TRIM71: variants seen among roughly 807,000 people sequenced by gnomAD.
TRIM71 encodes tripartite motif containing 71.
TRIM71 carries 9 observed loss-of-function variants against 61.2 expected under a neutral mutation model. That is an observed-to-expected ratio of 0.15 (90% CI 0.09 to 0.26). The LOEUF (loss-of-function observed/expected upper bound fraction) is 0.26, where lower values mean the gene tolerates loss of function less well. Among genes scored for constraint, TRIM71 ranks in the 10% least tolerant of loss-of-function variants. The pLI is 1.00. For missense variants in TRIM71, 998 were observed against 1,238.7 expected, an observed-to-expected ratio of 0.81 and a Z score of 2.92; for synonymous variants, 645 against 553.2, an observed-to-expected ratio of 1.17 and a Z score of -2.33.
At chr3:32,819,293 C>T in intron 1 of TRIM71, among the ~76,000 whole-genome samples, 1 of 152,050 alleles carries the variant, frequency 6.6e-6, no homozygotes, top group East Asian at 1.9e-4. Flanking sequence ...TGTGGGCACA[C>T]CAGAGGCCTC....
chr3:32,885,596 G>C (rs919020012), intron 2 of TRIM71, among the ~76,000 whole-genome samples: 32 of 152,332 alleles, frequency 2.1e-4, no homozygotes, highest in African/African-American at 7.5e-4. Flanking sequence ...GGCTGGAGTT[G>C]TACATTTTAC....
In TRIM71 at chr3:32,818,651, C is replaced by T. The variant is rs112026284; in HGVS notation, c.571C>T (p.Leu191=). 9.6e-5 allele frequency: 143 copies of T among 1,492,266 alleles called. No individual in the cohort carries two copies. The African/African-American group carries it at 1.8e-3, about 19-fold the overall frequency. 92.4% of individuals were successfully genotyped at this position (1,492,266 alleles called of 1,614,324 possible). ...CGGCCCTGCCGCTTCCCCGTCGGCG[C>T]TGCTGCTCCGCCGTCCTCACGGCTG... The part of the protein sequence containing the change: ...PGGPAASPSA[L]LLRRPHGCSS... The change falls in exon 1 of 4, where the codon CTG becomes TTG. Residue 191 remains leucine, a synonymous_variant. Coordinates refer to ENST00000383763, the MANE Select transcript of TRIM71 (RefSeq NM_001039111.3).
chr3:32,858,871 A>G (rs988124291), intron 1 of TRIM71, among the ~76,000 whole-genome samples: 6 of 152,186 alleles, frequency 3.9e-5, no homozygotes, highest in African/African-American at 7.2e-5. Flanking sequence ...AACTTCGATT[A>G]TGTAACTGAA....
Position 32,891,259 on chromosome 3 carries a change from G to C in TRIM71, c.2055G>C (p.Gln685His). Residue 685 changes from glutamine to histidine, a missense_variant, in exon 4 of 4, where the codon CAG (glutamine) becomes CAC (histidine). Around this residue, in one of 5 missense-constraint regions of TRIM71, gnomAD observed 83 missense variants for 202.7 expected, o/e 0.41. Transcript: ENST00000383763. The surrounding 1 kb of genome is among the most constrained non-coding windows in gnomAD (Gnocchi z 8.2). ...HRIQIFTFEG[Q>H]FLLKFGEKGT... ...TCCAGATCTTCACGTTCGAGGGCCA[G>C]TTCCTCCTCAAGTTTGGTGAGAAAG... 5 of 1,613,706 alleles carry C rather than the reference G, an allele frequency of 3.1e-6. No homozygotes were observed. The highest frequency in any genetic ancestry group is 4.2e-6 in the Non-Finnish European group (5 of 1,179,742).
chr3:32,827,292 C>G (rs1349570569), intron 1 of TRIM71, among the ~76,000 whole-genome samples: 3 of 98,936 alleles, frequency 3.0e-5, no homozygotes, highest in Non-Finnish European at 7.1e-5. Flanking sequence ...TGGGTGGAGT[C>G]TCACTCTGTT....
intron 1 of TRIM71, among the ~76,000 whole-genome samples, chr3:32,848,825 C>T (rs1413513536): frequency 3.6e-4 from 55 of 152,152 alleles, no homozygotes; most frequent in Non-Finnish European, 1.3e-4. Flanking sequence ...CACAGGACAA[C>T]CAGAAAGCTG....
At chr3:32,871,627 C>T (rs1457289754) in intron 1 of TRIM71, among the ~76,000 whole-genome samples, 1 of 152,166 alleles carries the variant, frequency 6.6e-6, no homozygotes, top group African/African-American at 2.4e-5. Context: ...CTGAATTTAT[C>T]CAGCTCAGCA....
chr3:32,885,152 A>T (rs1349596702), intron 2 of TRIM71, among the ~76,000 whole-genome samples: 3 of 152,038 alleles, frequency 2.0e-5, no homozygotes, highest in Non-Finnish European at 2.9e-5. Flanking sequence ...CTTCCCTGAC[A>T]CCCTCCTGAT....
At chr3:32,881,580 C>A (rs1696907471) in intron 2 of TRIM71, among the ~76,000 whole-genome samples, 1 of 152,168 alleles carries the variant, frequency 6.6e-6, no homozygotes, top group East Asian at 1.9e-4. Context: ...CAAATGTAGA[C>A]CCTCAACTTT....
At chr3:32,854,956 A>G (rs1696579398) in intron 1 of TRIM71, among the ~76,000 whole-genome samples, 1 of 152,192 alleles carries the variant, frequency 6.6e-6, no homozygotes, top group African/African-American at 2.4e-5. Flanking sequence ...TGCAGCACAC[A>G]GTATTTTGGG....
chr3:32,860,243 C>G (rs2125684780), intron 1 of TRIM71, among the ~76,000 whole-genome samples: 1 of 151,478 alleles, frequency 6.6e-6, no homozygotes, highest in East Asian at 2.0e-4. Context: ...ACTGCAACCT[C>G]CACTTCCCGG....
chr3:32,857,156 C>T (rs1696615293), intron 1 of TRIM71, among the ~76,000 whole-genome samples: 2 of 152,342 alleles, frequency 1.3e-5, no homozygotes, highest in East Asian at 3.9e-4. Flanking sequence ...GGAGCTTTCC[C>T]TGGGTCCCCT....
chr3:32,842,888 G>A (rs911506887), intron 1 of TRIM71, among the ~76,000 whole-genome samples: 4 of 152,158 alleles, frequency 2.6e-5, no homozygotes, highest in Admixed American at 6.5e-5. Context: ...GCCTCTGGGA[G>A]CCTGCCTTAC....
intron 1 of TRIM71, among the ~76,000 whole-genome samples, chr3:32,836,186 CT>C (rs1234883090): frequency 6.6e-6 from 1 of 152,120 alleles, no homozygotes; most frequent in East Asian, 1.9e-4. Flanking sequence ...GATCCCAGCA[CT>C]TTGCTCCGGA....
chr3:32,856,847 G>A (rs1438032931), intron 1 of TRIM71, among the ~76,000 whole-genome samples: 6 of 152,116 alleles, frequency 3.9e-5, no homozygotes, highest in African/African-American at 9.7e-5. Context: ...TCATGACCAC[G>A]CCTTTTCTTT....
chr3:32,821,781 C>G (rs983672467), intron 1 of TRIM71, among the ~76,000 whole-genome samples: 1 of 151,362 alleles, frequency 6.6e-6, no homozygotes, highest in African/African-American at 2.4e-5. Flanking sequence ...TGCCGCGGGT[C>G]CCGGGAGAGG....
At chr3:32,874,439 C>T (rs904089828) in intron 2 of TRIM71, among the ~76,000 whole-genome samples, 1 of 150,568 alleles carries the variant, frequency 6.6e-6, no homozygotes, top group Non-Finnish European at 1.5e-5. Context: ...CTCGGCTAAC[C>T]ACAACCTCCA....
At chr3:32,830,920 C>T (rs762401176) in intron 1 of TRIM71, among the ~76,000 whole-genome samples, 33 of 152,296 alleles carry the variant, frequency 2.2e-4, no homozygotes, top group Middle Eastern at 3.4e-3. Flanking sequence ...AAGCGATTCT[C>T]GTGCCTCAGC....
intron 1 of TRIM71, among the ~76,000 whole-genome samples, chr3:32,833,183 T>TAAAAAAAAAAA (rs1696293408): frequency 2.6e-5 from 1 of 39,100 alleles, no homozygotes. Context: ...AACTCTGTCT[T>TAAAAAAAAAAA]TAAAAAAAAA....
Sources: gnomAD v4.1 joint callset for allele counts (sites outside exome capture counted in the v4.1 genomes callset) on GRCh38, gnomAD v4.1.1 for gene constraint, gnomAD v4.1.1 regional missense constraint, Gnocchi (gnomAD v3.1) non-coding constraint, MANE v1.5 for transcripts, NCBI Gene and HGNC (gene_info 2026-07-23, HGNC 2026-07-21) for gene names.